GNAI2: variants seen among roughly 807,000 people sequenced by gnomAD.
The protein encoded by GNAI2 is G protein subunit alpha i2.
A neutral mutation model predicts 36.8 loss-of-function variants in GNAI2; 4 were observed. The ratio of observed to expected loss-of-function variants is 0.11; its 90% CI spans 0.05 to 0.25. The LOEUF is 0.25. GNAI2 is among the 10% of genes least tolerant of loss of function. The pLI, the probability that GNAI2 is intolerant of heterozygous loss-of-function variation, is 1.00. For missense variants in GNAI2, 230 were observed against 481.3 expected (o/e 0.48, Z 4.89); for synonymous variants, 194 against 194.1 (o/e 1.00, Z 0.01).
At position 50,241,702 on chromosome 3, in the gene GNAI2, G is replaced by C. The variant is rs1700302894; in HGVS notation, c.118+5249G>C. 6.6e-6 allele frequency among the ~76,000 whole-genome samples: 1 copy of C among 152,174 alleles called. No homozygotes were observed. The highest frequency in any genetic ancestry group is 2.4e-5 in the African/African-American group (1 of 41,444). On this transcript the variant is annotated intron_variant, in intron 1 of 8. Transcript: ENST00000313601. This position sits in a 1 kb window ranked among gnomAD's most constrained non-coding sequence, Gnocchi z 5.0. Reference sequence around the variant, plus strand: ...GTGGCAGGAGGTGGAAGTCAAACCAGTTGCGGGACACAGGCTTCCATGTCA... The same window carrying C: ...GTGGCAGGAGGTGGAAGTCAAACCACTTGCGGGACACAGGCTTCCATGTCA...
chr3:50,259,071 C>T lies in GNAI2; in HGVS notation c.*728C>T, dbSNP rs1700789032. 1.0e-5 allele frequency: 4 copies of T among 388,134 alleles called. No individual in the cohort carries two copies. The highest frequency in any genetic ancestry group is 7.2e-5 in the East Asian group (1 of 13,794). 24.0% of individuals were successfully genotyped at this position (388,134 alleles called of 1,614,324 possible). On this transcript the variant is annotated 3_prime_UTR_variant, in exon 9 of 9. Transcript: ENST00000313601. ...TGGCCGCCCCCGTGCGAGCGGCACC[C>T]CTGCCCTGCCCTCCACAGAATTGGG...
intron 1 of GNAI2, chr3:50,251,555 G>A (rs782707829): frequency 4.2e-6 from 5 of 1,189,118 alleles, no homozygotes; most frequent in Non-Finnish European, 4.3e-6. Context: ...TGAGCGCAGT[G>A]AGCAGAGGGC....
chr3:50,256,431 A>G, intron 5 of GNAI2, 111 bp downstream of exon 5: 1 of 1,047,042 alleles, frequency 9.6e-7, no homozygotes, highest in Non-Finnish European at 1.5e-6. Context: ...TACAAGGCTC[A>G]TGTGTTCTGG....
In GNAI2 at chr3:50,256,224, G is replaced by A. The variant is rs781821436; in HGVS notation, c.497G>A (p.Ser166Asn). ...YLNDLERIAQ[S>N]DYIPTQQDVL... ...AACGACCTGGAGCGTATTGCACAGA[G>A]TGACTACATCCCCACACAGCAAGAT... is the stretch of plus-strand genomic sequence containing the variant. The change falls in exon 5 of 9, where the codon AGT (serine) becomes AAT (asparagine). Residue 166 changes from serine (S) to asparagine (N), a missense_variant. Physicochemically the swap from Ser to Asn is conservative, Grantham distance 46 (BLOSUM62 1). This residue lies in a region of GNAI2 where 132 missense variants were observed against 247.4 expected (regional missense o/e 0.53). Transcript: ENST00000313601. The A allele has an allele frequency of 6.3e-6, 10 of 1,589,608 alleles. No individual in the cohort carries two copies. The highest frequency in any genetic ancestry group is 3.4e-5 in the Admixed American group (2 of 59,488).
intron 1 of GNAI2, among the ~76,000 whole-genome samples, chr3:50,240,182 A>G (rs1360381748): frequency 6.6e-6 from 1 of 152,176 alleles, no homozygotes. Flanking sequence ...CTAGAGACAG[A>G]TAGGAAGGGT....
Position 50,256,579 on chromosome 3 carries a change from G to A in GNAI2, c.594-144G>A, listed in dbSNP as rs587765384. 2.7e-5 allele frequency: 24 copies of A among 900,370 alleles called. No individual in the cohort carries two copies. In the African/African-American group the frequency reaches 3.9e-4, roughly 15 times the overall value. 55.8% of individuals were successfully genotyped at this position (900,370 alleles called of 1,614,324 possible). Reference sequence around the variant, plus strand: ...CCAAGCTCCTGGCCCAGAACCAGGGGTGAAGTGGGCAAGTGTGGATGATTC... The same window carrying A: ...CCAAGCTCCTGGCCCAGAACCAGGGATGAAGTGGGCAAGTGTGGATGATTC... On this transcript the variant is annotated intron_variant, in intron 5 of 8. Coordinates refer to ENST00000313601, the MANE Select transcript of GNAI2 (RefSeq NM_002070.4).
At position 50,242,114 on chromosome 3, in the gene GNAI2, A is replaced by G. The variant is rs781986385; in HGVS notation, c.118+5661A>G. ...TGTGACTCTCTCAGTCTGTCTCTAA[A>G]AGCCACCCATTCACTTGGCGGGAAC... On this transcript the variant is annotated intron_variant, in intron 1 of 8. Coordinates refer to ENST00000313601, the MANE Select transcript of GNAI2 (RefSeq NM_002070.4). This position sits in a 1 kb window ranked among gnomAD's most constrained non-coding sequence, Gnocchi z 4.8. Among the ~76,000 whole-genome samples, 10 of 152,042 alleles carry G rather than the reference A, an allele frequency of 6.6e-5. No individual in the cohort carries two copies. Among genetic ancestry groups the G allele is most frequent in the Non-Finnish European group, 1.2e-4 (8 of 67,986 alleles).
intron 1 of GNAI2, among the ~76,000 whole-genome samples, chr3:50,239,362 C>T (rs1700252897): frequency 6.6e-6 from 1 of 152,196 alleles, no homozygotes. Context: ...GATCACCTCC[C>T]AGGATCCTTC....
At chr3:50,243,684 C>A (rs1700349210) in intron 1 of GNAI2, among the ~76,000 whole-genome samples, 1 of 152,256 alleles carries the variant, frequency 6.6e-6, no homozygotes, top group Admixed American at 6.5e-5. Flanking sequence ...ACTGATATTA[C>A]ACCCATTTCA....
chr3:50,255,133 C>A lies in GNAI2; in HGVS notation c.465-1059C>A, dbSNP rs373737577. On this transcript the variant is annotated intron_variant, in intron 4 of 8. Coordinates refer to ENST00000313601, the MANE Select transcript of GNAI2 (RefSeq NM_002070.4). The surrounding 1 kb of genome is among the most constrained non-coding windows in gnomAD (Gnocchi z 4.0). ...GTCCCTGCTACTCTGAGATCATTTCCCTCTGGCCTGGTTTGGCCTGGGTGC... is the reference window on the plus strand; with the variant it reads ...GTCCCTGCTACTCTGAGATCATTTCACTCTGGCCTGGTTTGGCCTGGGTGC... Among the ~76,000 whole-genome samples the A allele has an allele frequency of 9.2e-5, 14 of 152,202 alleles. No homozygotes were observed. The highest frequency in any genetic ancestry group is 3.4e-4 in the African/African-American group (14 of 41,454).
At chr3:50,254,173 C>T (rs1220246665) in intron 4 of GNAI2, among the ~76,000 whole-genome samples, 1 of 152,076 alleles carries the variant, frequency 6.6e-6, no homozygotes, top group Non-Finnish European at 1.5e-5. Context: ...GAACTCCTTC[C>T]CTGTGGTATC....
chr3:50,255,826 G>A lies in GNAI2; in HGVS notation c.465-366G>A, dbSNP rs1201128832. On this transcript the variant is annotated intron_variant, in intron 4 of 8. Coordinates refer to ENST00000313601, the MANE Select transcript of GNAI2 (RefSeq NM_002070.4). This position sits in a 1 kb window ranked among gnomAD's most constrained non-coding sequence, Gnocchi z 4.0. The stretch of plus-strand genomic sequence containing the variant: ...AGCACTCTGGGAGGCCGAGGTGGGC[G>A]GATCACCTGAGGTTGAGAGGTCAAG... Among the ~76,000 whole-genome samples, 15 of 152,070 alleles carry A rather than the reference G, an allele frequency of 9.9e-5. 1 individual carries two copies. In the South Asian group the frequency reaches 2.5e-3, roughly 25 times the overall value.
chr3:50,253,257 GAGAACCCCCAGA>G lies in GNAI2; in HGVS notation c.464+76_464+87del. On this transcript the variant is annotated intron_variant, in intron 4 of 8. Coordinates refer to ENST00000313601, the MANE Select transcript of GNAI2 (RefSeq NM_002070.4). This position sits in a 1 kb window ranked among gnomAD's most constrained non-coding sequence, Gnocchi z 4.2. ...GACTAAAGGCTGGACCGGAGGGCCT[GAGAACCCCCAGA>G]AGGACACTGCTGGTCTTTGCTTATG... 8.1e-7 allele frequency: 1 copy of G among 1,231,566 alleles called. No homozygotes were observed. Among genetic ancestry groups the G allele is most frequent in the Non-Finnish European group, 1.1e-6 (1 of 870,068 alleles). The allele number at this position is 1,231,566 out of a possible 1,614,324, so 76.3% of individuals were successfully genotyped here.
At chr3:50,251,842 G>A in intron 1 of GNAI2, 4 of 1,259,200 alleles carry the variant, frequency 3.2e-6, no homozygotes, top group South Asian at 1.5e-5. Context: ...ATGGTGGGCA[G>A]CAGAGCTTGT....
Position 50,252,728 on chromosome 3 carries a change from G to A in GNAI2, c.303+190G>A, listed in dbSNP as rs1700593221. Among the ~76,000 whole-genome samples, 2 of 152,158 alleles carry A rather than the reference G, an allele frequency of 1.3e-5. No homozygotes were observed. The highest frequency in any genetic ancestry group is 4.8e-5 in the African/African-American group (2 of 41,432). On this transcript the variant is annotated intron_variant, in intron 3 of 8. Coordinates refer to ENST00000313601, the MANE Select transcript of GNAI2 (RefSeq NM_002070.4). The surrounding 1 kb of genome is among the most constrained non-coding windows in gnomAD (Gnocchi z 4.1). ...AAAATACAAAAATTAGCCGAGCATGGTGGCACGTGCCTGTAATCCCAGCTA... is the reference window on the plus strand; with the variant it reads ...AAAATACAAAAATTAGCCGAGCATGATGGCACGTGCCTGTAATCCCAGCTA...
chr3:50,231,495 T>A (rs1700066684), upstream of GNAI2, among the ~76,000 whole-genome samples: 1 of 152,228 alleles, frequency 6.6e-6, no homozygotes, highest in African/African-American at 2.4e-5. Flanking sequence ...GCCAGGATAG[T>A]CGATCTCTTG....
intron 1 of GNAI2, among the ~76,000 whole-genome samples, chr3:50,245,539 C>T (rs1700395866): frequency 6.6e-6 from 1 of 152,248 alleles, no homozygotes; most frequent in African/African-American, 2.4e-5. Flanking sequence ...TTGGGAACAG[C>T]GGAGGGATGC....
chr3:50,230,754 T>C (rs1700054253), upstream of GNAI2: 22 of 958,036 alleles, frequency 2.3e-5, no homozygotes, highest in Non-Finnish European at 2.7e-5. Flanking sequence ...GTCATTCCAT[T>C]GTCCTTTATG....
Position 50,236,220 on chromosome 3 carries a change from C to A in GNAI2, c.-116C>A, listed in dbSNP as rs1575437776. ...GCCTCCCGCAGTCGCTCGGAACTGC[C>A]GACCCGAGTGCTTCCCGCAGAGGGC... On this transcript the variant is annotated 5_prime_UTR_variant, in exon 1 of 9. Coordinates refer to ENST00000313601, the MANE Select transcript of GNAI2 (RefSeq NM_002070.4). The surrounding 1 kb of genome is among the most constrained non-coding windows in gnomAD (Gnocchi z 4.0). 62 of 1,188,070 alleles carry A rather than the reference C, an allele frequency of 5.2e-5. No homozygotes were observed. The East Asian group carries it at 7.5e-4, about 14-fold the overall frequency. 73.6% of individuals were successfully genotyped at this position (1,188,070 alleles called of 1,614,324 possible). A position where few individuals can be genotyped will look rare whatever the true frequency, so the allele number is the denominator to read the frequency against.
Sources: allele counts gnomAD v4.1 joint callset (sites outside exome capture counted in the v4.1 genomes callset), GRCh38; gene constraint gnomAD v4.1.1; regional missense constraint gnomAD v4.1.1; non-coding constraint Gnocchi (gnomAD v3.1); transcripts MANE v1.5; gene names NCBI Gene and HGNC (gene_info 2026-07-23, HGNC 2026-07-21).